Variants in EFHC2 observed in about 807,000 individuals in gnomAD.
EFHC2 encodes the protein EF-hand domain-containing family member C2.
In EFHC2, 18 loss-of-function variants were observed where a neutral mutation model predicts 52.7. The ratio of observed to expected loss-of-function variants is 0.34; its 90% CI spans 0.24 to 0.51. The LOEUF is 0.51. Among genes scored for constraint, EFHC2 ranks in the 20% least tolerant of loss-of-function variants. EFHC2 has a pLI of 0.97. For missense variants in EFHC2, 513 were observed against 562.5 expected (o/e 0.91, Z 0.89); for synonymous variants, 203 against 204.1 (o/e 0.99, Z 0.04).
At chrX:44,174,879 AAAAC>A (rs1479086799) in intron 13 of EFHC2, among the ~76,000 whole-genome samples, 1 of 112,109 alleles carries the variant, frequency 8.9e-6, no homozygotes, top group Non-Finnish European at 1.9e-5. Context: ...AAATCAAAAC[AAAAC>A]AAATAGAACT....
chrX:44,222,711 G>A (rs2037203173), intron 11 of EFHC2, among the ~76,000 whole-genome samples: 1 of 111,707 alleles, frequency 9.0e-6, no homozygotes, highest in African/African-American at 3.3e-5. Context: ...AATATTCATG[G>A]CAAATGAAAA....
chrX:44,166,217 T>C (rs1197204738), intron 13 of EFHC2, among the ~76,000 whole-genome samples: 1 of 111,684 alleles, frequency 9.0e-6, no homozygotes, highest in Non-Finnish European at 1.9e-5. Context: ...AGATGAGAGA[T>C]AACGGCAGTT....
At chrX:44,271,015 C>T (rs2037613214) in intron 3 of EFHC2, among the ~76,000 whole-genome samples, 3 of 111,766 alleles carry the variant, frequency 2.7e-5, no homozygotes, top group Non-Finnish European at 5.6e-5. Context: ...TACTTGTACC[C>T]TGTCCCAAGT....
At chrX:44,338,961 C>T (rs752922793) in intron 1 of EFHC2, among the ~76,000 whole-genome samples, 175 of 110,965 alleles carry the variant, frequency 1.6e-3, no homozygotes, top group Non-Finnish European at 2.1e-3. Context: ...GAGGCTGAGG[C>T]GGGTGGATCA....
At chrX:44,232,316 A>G (rs911410791) in intron 10 of EFHC2, among the ~76,000 whole-genome samples, 165 bp downstream of exon 10, 6 of 112,218 alleles carry the variant, frequency 5.3e-5, no homozygotes, top group Non-Finnish European at 1.1e-4. Flanking sequence ...GGCCTCTGTG[A>G]TGGGACATGT....
intron 2 of EFHC2, among the ~76,000 whole-genome samples, chrX:44,294,249 C>CGTGT (rs200162737): frequency 0.057 from 4,971 of 87,391 alleles, 142 homozygotes; most frequent in Middle Eastern, 0.089. Context: ...GTATACTCAA[C>CGTGT]GTGTGTGTGT....
rs746261444 is a variant in EFHC2, at chrX:44,250,381, T to C, written c.671A>G (p.Gln224Arg). 3 of 1,209,435 alleles carry C rather than the reference T, an allele frequency of 2.5e-6. No homozygotes were observed. The highest frequency in any genetic ancestry group is 3.4e-6 in the Non-Finnish European group (3 of 894,910). The change falls in exon 5 of 15, where the codon CAG becomes CGG. Residue 224 changes from glutamine to arginine, a missense_variant. Transcript: ENST00000420999. Reference sequence around the variant, plus strand: ...GAAACACAAAATCTTGCCATGATACTGGAGGAACTGTTTCAGGGTGTCGAG... The same window carrying C: ...GAAACACAAAATCTTGCCATGATACCGGAGGAACTGTTTCAGGGTGTCGAG... ...ESLDTLKQFL[Q>R]YHGKILCFFC...
At chrX:44,256,026 T>C (rs1354270024) in intron 4 of EFHC2, among the ~76,000 whole-genome samples, 1 of 111,919 alleles carries the variant, frequency 8.9e-6, no homozygotes, top group Non-Finnish European at 1.9e-5. Flanking sequence ...GAATGACTAC[T>C]GGGTAAATAA....
chrX:44,244,437 T>C (rs2037383800), intron 7 of EFHC2, among the ~76,000 whole-genome samples: 2 of 112,430 alleles, frequency 1.8e-5, no homozygotes, highest in South Asian at 7.3e-4. Context: ...AAAATATTCA[T>C]TGAATAAATG....
At chrX:44,246,393 T>C (rs1367449374) in intron 7 of EFHC2, among the ~76,000 whole-genome samples, 1 of 112,530 alleles carries the variant, frequency 8.9e-6, no homozygotes, top group Non-Finnish European at 1.9e-5. Flanking sequence ...TATTTTAACA[T>C]ATGTTATGAG....
intron 2 of EFHC2, among the ~76,000 whole-genome samples, chrX:44,301,109 C>CAAA (rs777876518): frequency 4.7e-5 from 2 of 42,794 alleles, no homozygotes; most frequent in African/African-American, 1.8e-4. Context: ...GACTCTATCT[C>CAAA]AAAAAAAAAA....
intron 2 of EFHC2, among the ~76,000 whole-genome samples, chrX:44,288,972 G>C (rs1361017969): frequency 4.5e-5 from 5 of 111,815 alleles, no homozygotes; most frequent in Non-Finnish European, 9.4e-5. Context: ...TGGAAATAGA[G>C]AGTAGCAGGA....
At chrX:44,270,226 A>G (rs779196836) in intron 3 of EFHC2, among the ~76,000 whole-genome samples, 69 of 112,019 alleles carry the variant, frequency 6.2e-4, no homozygotes, top group African/African-American at 2.2e-3. Flanking sequence ...ACTTCTTGGC[A>G]ATGCTGGCTG....
intron 2 of EFHC2, among the ~76,000 whole-genome samples, chrX:44,289,653 C>G (rs1345301378): frequency 9.4e-6 from 1 of 106,168 alleles, no homozygotes; most frequent in Non-Finnish European, 1.9e-5. Context: ...ATTTTATCTG[C>G]CGGTCTACAT....
intron 2 of EFHC2, among the ~76,000 whole-genome samples, chrX:44,292,774 G>A (rs1442592090): frequency 9.2e-6 from 1 of 109,040 alleles, no homozygotes; most frequent in African/African-American, 3.4e-5. Flanking sequence ...TTAAAGGTGT[G>A]TGGCACCTCC....
intron 2 of EFHC2, among the ~76,000 whole-genome samples, chrX:44,283,268 T>C (rs1387986531): frequency 2.7e-5 from 3 of 111,811 alleles, no homozygotes; most frequent in East Asian, 5.6e-4. Context: ...CTGCAAGCTC[T>C]GCCTCCCAGG....
chrX:44,168,481 G>A (rs907883442), intron 13 of EFHC2, among the ~76,000 whole-genome samples: 1 of 109,141 alleles, frequency 9.2e-6, no homozygotes, highest in Admixed American at 9.7e-5. Flanking sequence ...GCAGTGAGCC[G>A]AGATTGCGCC....
intron 2 of EFHC2, among the ~76,000 whole-genome samples, chrX:44,287,643 T>C (rs1269125212): frequency 8.9e-6 from 1 of 112,824 alleles, no homozygotes; most frequent in African/African-American, 3.2e-5. Context: ...AGATATTCCA[T>C]TGAACCTCGA....
At chrX:44,224,957 C>T (rs2037220363) in intron 11 of EFHC2, among the ~76,000 whole-genome samples, 1 of 111,549 alleles carries the variant, frequency 9.0e-6, no homozygotes, top group African/African-American at 3.3e-5. Context: ...GTCCAGGGCC[C>T]TCACTGGGAA....
Sources: allele counts gnomAD v4.1 joint callset (sites outside exome capture counted in the v4.1 genomes callset), GRCh38; gene constraint gnomAD v4.1.1; transcripts MANE v1.5; gene names NCBI Gene and HGNC (gene_info 2026-07-23, HGNC 2026-07-21).